TRPM1: variants seen among roughly 807,000 people sequenced by gnomAD.
TRPM1 encodes TRPM1-203 APA Isoform, Intron 10.
A neutral mutation model predicts 149.4 loss-of-function variants in TRPM1; 113 were observed. The ratio of observed to expected loss-of-function variants is 0.76; its 90% CI spans 0.65 to 0.88. TRPM1 has a LOEUF of 0.88. Ranked by LOEUF, TRPM1 falls within the 40% of genes least tolerant of loss-of-function variation. The pLI, the probability that TRPM1 is intolerant of heterozygous loss-of-function variation, is 0.00. For synonymous variants in TRPM1, 741 were observed against 759.5 expected, an observed-to-expected ratio of 0.98 and a Z score of 0.40; for missense variants, 1,976 against 2,038.7, an observed-to-expected ratio of 0.97 and a Z score of 0.59.
intron 27 of TRPM1, among the ~76,000 whole-genome samples, chr15:31,004,649 C>T (rs12913397): frequency 0.55 from 84,004 of 151,906 alleles, 24,387 homozygotes; most frequent in African/African-American, 0.72. Flanking sequence ...ATTCACCATG[C>T]ATGAGAAGTC....
intron 27 of TRPM1, among the ~76,000 whole-genome samples, chr15:31,019,526 C>T (rs1211824740): frequency 7.2e-5 from 11 of 152,164 alleles, no homozygotes; most frequent in Admixed American, 3.3e-4. Context: ...CTCAGCCTCC[C>T]GAGTGGCTGG....
rs556376550 is a variant in TRPM1, at chr15:31,068,054, C to G, written c.318G>C (p.Leu106=). ...GCCAATCTTTCACCATGAGATGGAGCAGTGAGTCTGGCTTGGTGTCATAGG... is the reference window on the plus strand; with the variant it reads ...GCCAATCTTTCACCATGAGATGGAGGAGTGAGTCTGGCTTGGTGTCATAGG... The part of the protein sequence containing the change: ...RVSYDTKPDS[L]LHLMVKDWQL... Residue 106 remains leucine (L), a synonymous_variant, in exon 5 of 28, where the codon CTG becomes CTC. Coordinates refer to ENST00000256552, the MANE Select transcript of TRPM1 (RefSeq NM_001252024.2). The G allele has an allele frequency of 5.6e-6, 9 of 1,614,172 alleles. No individual in the cohort carries two copies. The South Asian group carries it at 9.9e-5, about 18-fold the overall frequency.
intron 14 of TRPM1, 109 bp from the exon 15 acceptor site, chr15:31,047,360 G>T (rs1173166496): frequency 3.3e-6 from 4 of 1,209,732 alleles, no homozygotes; most frequent in Non-Finnish European, 4.8e-6. Context: ...GGGAGTTCAT[G>T]TAACAGGTGG....
chr15:31,038,087 G>A lies in TRPM1; in HGVS notation c.2396C>T (p.Ser799Phe), dbSNP rs2033481651. ...RTYDDFSYQT[S>F]KENEDGKEKE... ...TTCTTTGCCATCCTCATTTTCCTTG[G>A]ATGTTTGATACGAGAAATCATCATA... The change falls in exon 19 of 28, where the codon TCC becomes TTC. Residue 799 changes from serine to phenylalanine, a missense_variant. Transcript: ENST00000256552. 1.9e-6 allele frequency: 3 copies of A among 1,613,950 alleles called. No homozygotes were observed. Among genetic ancestry groups the A allele is most frequent in the East Asian group, 2.2e-5 (1 of 44,898 alleles).
upstream of TRPM1, among the ~76,000 whole-genome samples, chr15:31,105,103 T>G (rs973101105): frequency 6.6e-6 from 1 of 152,192 alleles, no homozygotes; most frequent in South Asian, 2.1e-4. Flanking sequence ...CTTCAGAGTG[T>G]CAGTATAAAT....
chr15:31,151,809 G>T (rs1043232961), intron 1 of TRPM1, among the ~76,000 whole-genome samples: 1 of 152,178 alleles, frequency 6.6e-6, no homozygotes, highest in African/African-American at 2.4e-5. Context: ...ATGTCCATTT[G>T]GCAAATGACC....
At chr15:31,152,336 C>T (rs1483400638) in intron 1 of TRPM1, among the ~76,000 whole-genome samples, 1 of 152,208 alleles carries the variant, frequency 6.6e-6, no homozygotes, top group Admixed American at 6.5e-5. Flanking sequence ...CAGGAGTTCT[C>T]CCAGGACTGG....
chr15:31,056,709 G>A (rs889159341), intron 11 of TRPM1, among the ~76,000 whole-genome samples: 4 of 152,182 alleles, frequency 2.6e-5, no homozygotes, highest in African/African-American at 9.6e-5. Flanking sequence ...GAGGGAGAGG[G>A]TTCATGATCT....
At chr15:31,031,224 T>G in intron 22 of TRPM1, 67 bp from the exon 23 acceptor site, 5 of 1,565,756 alleles carry the variant, frequency 3.2e-6, no homozygotes, top group Admixed American at 1.7e-5. Context: ...TGGCTCATTA[T>G]ATTGCTGTCT....
chr15:31,102,029 G>A (rs777079344), upstream of TRPM1, among the ~76,000 whole-genome samples: 70 of 152,212 alleles, frequency 4.6e-4, no homozygotes, highest in Admixed American at 4.6e-4. Context: ...GCATAATTGA[G>A]ACAATTGGAC....
At chr15:31,134,076 G>A (rs1364377227) in intron 1 of TRPM1, among the ~76,000 whole-genome samples, 3 of 152,202 alleles carry the variant, frequency 2.0e-5, no homozygotes, top group Non-Finnish European at 4.4e-5. Flanking sequence ...GTGGATGGAA[G>A]CCGCCGGAGG....
At chr15:31,069,905 T>C (rs570462180) in intron 4 of TRPM1, 126 bp downstream of exon 4, 2 of 1,605,270 alleles carry the variant, frequency 1.2e-6, no homozygotes, top group South Asian at 2.2e-5. Context: ...GGTTTTTCAA[T>C]GAAATATCTA....
chr15:31,105,849 G>A (rs533602606), upstream of TRPM1, among the ~76,000 whole-genome samples: 16 of 152,284 alleles, frequency 1.1e-4, no homozygotes, highest in East Asian at 2.7e-3. Context: ...GTGGGGAGAC[G>A]CTGGCAATGT....
At position 31,002,715 on chromosome 15, in the gene TRPM1, T is replaced by A. The variant is rs2031830484; in HGVS notation, c.3985A>T (p.Lys1329Ter). The change falls in exon 28 of 28, where the codon AAG becomes TAG. Residue 1329 changes from lysine (K) to a stop codon, truncating the protein, a stop_gained. Coordinates refer to ENST00000256552, the MANE Select transcript of TRPM1 (RefSeq NM_001252024.2). LOFTEE classifies it low-confidence loss of function (END_TRUNC). ...VRKKTCSFRIKEEKDVKTHLV... is the reference protein window; with the variant it reads ...VRKKTCSFRI ...TGCGTTTTCACGTCCTTCTCTTCCT[T>A]TATACGGAAGGAACAGGTTTTTTTC... 4 of 1,614,198 alleles carry A rather than the reference T, an allele frequency of 2.5e-6. No homozygotes were observed. The East Asian group carries it at 8.9e-5, about 36-fold the overall frequency.
chr15:31,015,752 A>G (rs2032336611), intron 27 of TRPM1, among the ~76,000 whole-genome samples: 1 of 152,152 alleles, frequency 6.6e-6, no homozygotes, highest in African/African-American at 2.4e-5. Context: ...GTAAAGTGCT[A>G]TGAAAATGTA....
intron 1 of TRPM1, among the ~76,000 whole-genome samples, chr15:31,091,403 G>A (rs939429273): frequency 2.6e-5 from 4 of 152,250 alleles, no homozygotes; most frequent in Non-Finnish European, 5.9e-5. Flanking sequence ...GGGGACCAGC[G>A]TGCACATGTT....
At chr15:31,151,326 T>A (rs749728959) in intron 1 of TRPM1, among the ~76,000 whole-genome samples, 1 of 152,130 alleles carries the variant, frequency 6.6e-6, no homozygotes, top group Non-Finnish European at 1.5e-5. Context: ...CTAAGACCCC[T>A]CTCCCTCACT....
intron 1 of TRPM1, among the ~76,000 whole-genome samples, chr15:31,101,176 A>G (rs1206241548): frequency 1.3e-5 from 2 of 152,212 alleles, no homozygotes; most frequent in African/African-American, 2.4e-5. Flanking sequence ...TTTTCCCTGA[A>G]GCAAAGTAAG....
chr15:31,124,860 C>A (rs1489504144), intron 1 of TRPM1, among the ~76,000 whole-genome samples: 1 of 151,986 alleles, frequency 6.6e-6, no homozygotes, highest in Admixed American at 6.6e-5. Flanking sequence ...TGGGTGGATA[C>A]CTGACATTAA....
Sources: gnomAD v4.1 joint callset for allele counts (sites outside exome capture counted in the v4.1 genomes callset) on GRCh38, gnomAD v4.1.1 for gene constraint, MANE v1.5 for transcripts, NCBI Gene and HGNC (gene_info 2026-07-23, HGNC 2026-07-21) for gene names.